Variants in FGF14 observed in about 807,000 individuals in gnomAD.
The protein encoded by FGF14 is fibroblast growth factor homologous factor 4.
FGF14 carries 5 observed loss-of-function variants against 25.5 expected under a neutral mutation model. That is an observed-to-expected ratio of 0.20 (90% confidence interval 0.10 to 0.41). The LOEUF is 0.41. Among genes scored for constraint, FGF14 ranks in the 10% least tolerant of loss-of-function variants. The pLI, the probability that FGF14 is intolerant of heterozygous loss-of-function variation, is 1.00. For missense variants in FGF14, 222 were observed against 320.1 expected (o/e 0.69, Z 2.34); for synonymous variants, 138 against 118.3 (o/e 1.17, Z -1.08).
chr13:101,820,189 A>G lies in FGF14; in HGVS notation c.408+48536T>C, dbSNP rs140163178. On this transcript the variant is annotated intron_variant, in intron 3 of 4. Coordinates refer to ENST00000376143, the MANE Select transcript of FGF14 (RefSeq NM_004115.4). ...ATGAACCAAATGTTTCTGATGTTTG[A>G]CAAAACATATTATGGCAATAAATGA... Among the ~76,000 whole-genome samples the G allele has an allele frequency of 1.6e-3, 244 of 152,342 alleles. 1 individual carries two copies. Among genetic ancestry groups the G allele is most frequent in the African/African-American group, 5.6e-3 (232 of 41,574 alleles).
Position 101,844,197 on chromosome 13 carries a change from T to C in FGF14, c.408+24528A>G, listed in dbSNP as rs961888512. 1.3e-5 allele frequency among the ~76,000 whole-genome samples: 2 copies of C among 152,162 alleles called. 1 individual carries two copies. Among genetic ancestry groups the C allele is most frequent in the Middle Eastern group, 6.8e-3 (2 of 292 alleles). On this transcript the variant is annotated intron_variant, in intron 3 of 4. Coordinates refer to ENST00000376143, the MANE Select transcript of FGF14 (RefSeq NM_004115.4). ...TAAAATCATGAAAAATACATCTTTG[T>C]ATTGCTAACAATTGGGGGATTTACT...
intron 1 of FGF14, among the ~76,000 whole-genome samples, chr13:102,263,577 C>T (rs1282446494): frequency 6.6e-6 from 1 of 152,136 alleles, no homozygotes; most frequent in South Asian, 2.1e-4. Context: ...ACTTAGTTCA[C>T]TTTTTACAAT....
chr13:101,938,584 A>G (rs2139297388), intron 1 of FGF14, among the ~76,000 whole-genome samples: 1 of 152,276 alleles, frequency 6.6e-6, no homozygotes, highest in Middle Eastern at 3.4e-3. Flanking sequence ...ATTAGTATTT[A>G]TTTTTCCCTT....
chr13:102,122,634 A>G (rs924218713), intron 1 of FGF14, among the ~76,000 whole-genome samples: 1 of 152,152 alleles, frequency 6.6e-6, no homozygotes, highest in Non-Finnish European at 1.5e-5. Context: ...TTTTATAAGC[A>G]TTTTGATTTT....
rs894972232 is a variant in FGF14 at position 102,146,576 on chromosome 13, G to A, written c.208+254895C>T. Among the ~76,000 whole-genome samples, 2 of 152,012 alleles carry A rather than the reference G, an allele frequency of 1.3e-5. 1 individual carries two copies. Among genetic ancestry groups the A allele is most frequent in the Non-Finnish European group, 2.9e-5 (2 of 68,020 alleles). Reference sequence around the variant, plus strand: ...CTCTTTTCCATGGTCTTTGTAAGTGGGAAAATGGAAGCCCAATGAGATAAA... The same window carrying A: ...CTCTTTTCCATGGTCTTTGTAAGTGAGAAAATGGAAGCCCAATGAGATAAA... On this transcript the variant is annotated intron_variant, in intron 1 of 4. Transcript: ENST00000376131.
At chr13:101,931,237 C>A (rs1365774274) in intron 1 of FGF14, among the ~76,000 whole-genome samples, 2 of 152,136 alleles carry the variant, frequency 1.3e-5, no homozygotes, top group Non-Finnish European at 2.9e-5. Context: ...CTCTGGAATG[C>A]AAAGGCGCCC....
intron 1 of FGF14, chr13:102,401,453 G>T (rs1173561760): frequency 8.1e-6 from 13 of 1,609,798 alleles, no homozygotes; most frequent in Non-Finnish European, 9.4e-6. Flanking sequence ...AACATAACAT[G>T]ATGCATGTTT....
intron 1 of FGF14, among the ~76,000 whole-genome samples, chr13:102,217,896 G>A (rs2050443260): frequency 6.6e-6 from 1 of 152,126 alleles, no homozygotes; most frequent in South Asian, 2.1e-4. Context: ...TGGTGGCTGG[G>A]TTCAGGACCA....
At chr13:102,204,892 T>C (rs2049835873) in intron 1 of FGF14, among the ~76,000 whole-genome samples, 1 of 152,116 alleles carries the variant, frequency 6.6e-6, no homozygotes, top group Admixed American at 6.5e-5. Context: ...TCACAAGGTA[T>C]AAGATTAAAG....
intron 1 of FGF14, among the ~76,000 whole-genome samples, chr13:101,908,386 T>G (rs1478390798): frequency 6.6e-6 from 1 of 152,200 alleles, no homozygotes; most frequent in African/African-American, 2.4e-5. Flanking sequence ...ATGGATAATA[T>G]TAGTGTATTA....
rs1045649508 is a variant in FGF14, at chr13:102,128,581, C to T, written c.209-253285G>A. ...TGTGAGTGCTAATTCTGAAAAACTC[C>T]ACCCTCACTTCCCCATGAACACATG... On this transcript the variant is annotated intron_variant, in intron 1 of 4. Coordinates refer to the FGF14 transcript ENST00000376131. Among the ~76,000 whole-genome samples, 14 of 152,256 alleles carry T rather than the reference C, an allele frequency of 9.2e-5. No individual in the cohort carries two copies. In the East Asian group the frequency reaches 2.7e-3, roughly 29 times the overall value.
At chr13:102,136,997 G>C (rs1023683383) in intron 1 of FGF14, among the ~76,000 whole-genome samples, 2 of 152,152 alleles carry the variant, frequency 1.3e-5, no homozygotes, top group Non-Finnish European at 2.9e-5. Flanking sequence ...ACAGTGATAA[G>C]AGCCTGAAAC....
intron 1 of FGF14, chr13:102,003,010 G>T (rs142097585): frequency 8.7e-4 from 133 of 152,284 alleles, no homozygotes; most frequent in African/African-American, 3.0e-3. Flanking sequence ...TGACAGGCTT[G>T]GGAGTGGATA....
At chr13:102,309,224 G>A (rs991328721) in intron 1 of FGF14, among the ~76,000 whole-genome samples, 7 of 150,998 alleles carry the variant, frequency 4.6e-5, no homozygotes, top group Admixed American at 6.6e-5. Context: ...GCACTGAGCC[G>A]ATCAACATGG....
At chr13:102,375,780 T>G (rs1335405373) in intron 1 of FGF14, among the ~76,000 whole-genome samples, 1 of 152,168 alleles carries the variant, frequency 6.6e-6, no homozygotes, top group African/African-American at 2.4e-5. Flanking sequence ...CTATCTGCCT[T>G]GTTTGTTTTT....
intron 1 of FGF14, among the ~76,000 whole-genome samples, chr13:102,039,569 T>C (rs1424195698): frequency 2.6e-5 from 4 of 152,178 alleles, no homozygotes; most frequent in Non-Finnish European, 5.9e-5. Context: ...CTCCTGTCTC[T>C]GCCTCTGTCA....
At chr13:102,012,063 T>C (rs911776707) in intron 1 of FGF14, among the ~76,000 whole-genome samples, 2 of 152,256 alleles carry the variant, frequency 1.3e-5, no homozygotes, top group South Asian at 2.1e-4. Context: ...AGGAGTAAAA[T>C]ATCACTGTCT....
At chr13:101,836,063 A>G (rs987977109) in intron 3 of FGF14, among the ~76,000 whole-genome samples, 20 of 152,044 alleles carry the variant, frequency 1.3e-4, no homozygotes, top group African/African-American at 4.8e-5. Flanking sequence ...GTGCAGTGAT[A>G]TGTTTCTAAA....
intron 1 of FGF14, among the ~76,000 whole-genome samples, chr13:102,244,424 T>A (rs1470135481): frequency 1.3e-5 from 2 of 151,214 alleles, no homozygotes; most frequent in East Asian, 1.9e-4. Flanking sequence ...CAAAATTGCA[T>A]GAGCTAATAA....
Sources: allele counts gnomAD v4.1 joint callset (sites outside exome capture counted in the v4.1 genomes callset), GRCh38; gene constraint gnomAD v4.1.1; transcripts MANE v1.5; gene names NCBI Gene and HGNC (gene_info 2026-07-23, HGNC 2026-07-21).